RAB3B: variants seen among roughly 807,000 people sequenced by gnomAD.
RAB3B encodes RAB3B, member RAS oncogene family.
In RAB3B, 11 loss-of-function variants were observed where a neutral mutation model predicts 20.5. That is an observed-to-expected ratio of 0.54 (90% CI 0.34 to 0.89). RAB3B has a LOEUF of 0.89. Among genes scored for constraint, RAB3B ranks in the 40% least tolerant of loss-of-function variants. The pLI, the probability that RAB3B is intolerant of heterozygous loss-of-function variation, is 0.02. For missense variants in RAB3B, 225 were observed against 280.9 expected (o/e 0.80, Z 1.42); for synonymous variants, 99 against 106.3 (o/e 0.93, Z 0.42).
intron 1 of RAB3B, among the ~76,000 whole-genome samples, chr1:51,983,117 G>GCCA (rs753410971): frequency 6.6e-6 from 1 of 152,110 alleles, no homozygotes; most frequent in Non-Finnish European, 1.5e-5. Flanking sequence ...ACTTTGGGAG[G>GCCA]CCAAGGTGGG....
chr1:51,959,141 C>T (rs192370050), intron 2 of RAB3B, among the ~76,000 whole-genome samples: 193 of 152,116 alleles, frequency 1.3e-3, no homozygotes, highest in Non-Finnish European at 1.4e-3. Context: ...CACTGAGTTG[C>T]GGGGAGGTGG....
At chr1:51,942,087 A>G (rs1684502414) in intron 2 of RAB3B, among the ~76,000 whole-genome samples, 1 of 152,216 alleles carries the variant, frequency 6.6e-6, no homozygotes, top group African/African-American at 2.4e-5. Flanking sequence ...ACTCCAAAGA[A>G]TAGACCTCCC....
intron 2 of RAB3B, among the ~76,000 whole-genome samples, chr1:51,965,231 A>G (rs1325110447): frequency 7.3e-6 from 1 of 137,242 alleles, no homozygotes; most frequent in African/African-American, 2.6e-5. Flanking sequence ...AAAAAAAAAA[A>G]AGAAACGAAA....
intron 2 of RAB3B, among the ~76,000 whole-genome samples, chr1:51,952,443 T>G (rs762819678): frequency 2.6e-5 from 4 of 152,194 alleles, no homozygotes; most frequent in Admixed American, 2.6e-4. Flanking sequence ...AGGGCTTCCT[T>G]GCATTGTTCC....
intron 2 of RAB3B, among the ~76,000 whole-genome samples, chr1:51,963,557 A>C (rs1404758140): frequency 6.6e-6 from 1 of 152,258 alleles, no homozygotes; most frequent in African/African-American, 2.4e-5. Context: ...CACTAATTTC[A>C]AATGAAGTCT....
Position 51,917,918 on chromosome 1 carries a change from G to A in RAB3B, c.*2009C>T, listed in dbSNP as rs924278410. 6.6e-6 allele frequency: 1 copy of A among 152,104 alleles called. No homozygotes were observed. Among genetic ancestry groups the A allele is most frequent in the Admixed American group, 6.6e-5 (1 of 15,256 alleles). 9.4% of individuals were successfully genotyped at this position (152,104 alleles called of 1,614,324 possible). A position where few individuals can be genotyped will look rare whatever the true frequency, so the allele number is the denominator to read the frequency against. Reference sequence around the variant, plus strand: ...TTTTCTAGGACAATGAGCCTCATTTGAAATGAAAAGAAAACTGGCGAGAGA... The same window carrying A: ...TTTTCTAGGACAATGAGCCTCATTTAAAATGAAAAGAAAACTGGCGAGAGA... On this transcript the variant is annotated 3_prime_UTR_variant, in exon 5 of 5. Coordinates refer to ENST00000371655, the MANE Select transcript of RAB3B (RefSeq NM_002867.4).
chr1:51,938,287 G>A (rs1040852109), intron 2 of RAB3B, among the ~76,000 whole-genome samples: 3 of 152,008 alleles, frequency 2.0e-5, no homozygotes, highest in Non-Finnish European at 4.4e-5. Context: ...GAAGTCTTAA[G>A]AGCATTAAAA....
chr1:51,931,085 A>G (rs1421567612), intron 4 of RAB3B, among the ~76,000 whole-genome samples: 2 of 152,036 alleles, frequency 1.3e-5, no homozygotes, highest in Non-Finnish European at 1.5e-5. Context: ...ATATCCAAAT[A>G]TGTATTAGAA....
chr1:51,990,429 T>TC (rs1394957263), intron 1 of RAB3B, 123 bp downstream of exon 1: 2 of 144,126 alleles, frequency 1.4e-5, no homozygotes, highest in Non-Finnish European at 3.1e-5. Context: ...CCCTCGCTCC[T>TC]CCCCCGGCTT....
chr1:51,988,218 G>A (rs1342785136), intron 1 of RAB3B, among the ~76,000 whole-genome samples: 1 of 152,128 alleles, frequency 6.6e-6, no homozygotes, highest in South Asian at 2.1e-4. Context: ...GAATAAGAAG[G>A]GAGTTGGGCA....
chr1:51,911,538 G>A lies in RAB3B; in HGVS notation c.*8389C>T, dbSNP rs983104132. The A allele has an allele frequency of 6.6e-6, 1 of 152,144 alleles. No individual in the cohort carries two copies. Among genetic ancestry groups the A allele is most frequent in the African/African-American group, 2.4e-5 (1 of 41,444 alleles). 9.4% of individuals were successfully genotyped at this position (152,144 alleles called of 1,614,324 possible). A position where few individuals can be genotyped will look rare whatever the true frequency, so the allele number is the denominator to read the frequency against. Reference sequence around the variant, plus strand: ...ACTCCAACAAGCAAAGCAAAGGGGGGTTTTATTAGAAAGATACATTGAGCT... The same window carrying A: ...ACTCCAACAAGCAAAGCAAAGGGGGATTTTATTAGAAAGATACATTGAGCT... On this transcript the variant is annotated 3_prime_UTR_variant, in exon 5 of 5. Transcript: ENST00000371655.
At chr1:51,958,493 G>A (rs531836972) in intron 2 of RAB3B, among the ~76,000 whole-genome samples, 54 of 152,306 alleles carry the variant, frequency 3.5e-4, no homozygotes, top group African/African-American at 1.3e-3. Context: ...GGAGGCCGAG[G>A]TGGGCAGATC....
chr1:51,976,973 G>A lies in RAB3B; in HGVS notation c.145C>T (p.Pro49Ser). ...ATGCCCACGGTGCTAACGAAGGCTGGGGTGAACGTGTCATCAGCATAGCGG... is the reference window on the plus strand; with the variant it reads ...ATGCCCACGGTGCTAACGAAGGCTGAGGTGAACGTGTCATCAGCATAGCGG... ...LFRYADDTFT[P>S]AFVSTVGIDF... is the part of the protein sequence containing the mutation. The change falls in exon 2 of 5, where the codon CCA becomes TCA. Residue 49 changes from proline (P) to serine (S), a missense_variant. By Grantham distance (74) the Pro-to-Ser change is moderately conservative (BLOSUM62 -1). Coordinates refer to ENST00000371655, the MANE Select transcript of RAB3B (RefSeq NM_002867.4). 4 of 1,614,188 alleles carry A rather than the reference G, an allele frequency of 2.5e-6. No homozygotes were observed. Among genetic ancestry groups the A allele is most frequent in the Non-Finnish European group, 1.7e-6 (2 of 1,180,024 alleles).
intron 1 of RAB3B, among the ~76,000 whole-genome samples, chr1:51,981,008 A>T (rs1571981488): frequency 6.6e-6 from 1 of 152,150 alleles, no homozygotes. Flanking sequence ...TACCAGCTGT[A>T]GCTCAATTAT....
intron 1 of RAB3B, among the ~76,000 whole-genome samples, chr1:51,982,652 C>T (rs1169328165): frequency 1.3e-5 from 2 of 151,930 alleles, no homozygotes; most frequent in Non-Finnish European, 2.9e-5. Context: ...ACTCAGGAGG[C>T]TGAGGCACAA....
In RAB3B at chr1:51,909,179, G is replaced by C. The variant is rs750937001; in HGVS notation, c.*10748C>G. The C allele has an allele frequency of 1.3e-5, 2 of 152,102 alleles. No individual in the cohort carries two copies. The highest frequency in any genetic ancestry group is 1.5e-5 in the Non-Finnish European group (1 of 68,030). 9.4% of individuals were successfully genotyped at this position (152,102 alleles called of 1,614,324 possible). On this transcript the variant is annotated 3_prime_UTR_variant, in exon 5 of 5. Coordinates refer to ENST00000371655, the MANE Select transcript of RAB3B (RefSeq NM_002867.4). ...TATTTCTAGATGAGGTTAGGTTCCT[G>C]GGACAGGAGTGTGTATTGAGGTGGA...
chr1:51,925,177 C>T (rs919456933), intron 4 of RAB3B, among the ~76,000 whole-genome samples: 2 of 152,162 alleles, frequency 1.3e-5, no homozygotes, highest in African/African-American at 4.8e-5. Flanking sequence ...AACATGTCTC[C>T]TCCACGGTTC....
chr1:51,953,575 G>A (rs1684668416), intron 2 of RAB3B, among the ~76,000 whole-genome samples: 1 of 152,212 alleles, frequency 6.6e-6, no homozygotes, highest in South Asian at 2.1e-4. Context: ...AGGCCAAGGC[G>A]GGCAGATCAT....
chr1:51,983,952 A>C (rs976931161), intron 1 of RAB3B, among the ~76,000 whole-genome samples: 6 of 151,774 alleles, frequency 4.0e-5, no homozygotes, highest in Admixed American at 3.3e-4. Context: ...AGAGCAAGAC[A>C]CTGTCTCAAA....
Sources: allele counts gnomAD v4.1 joint callset (sites outside exome capture counted in the v4.1 genomes callset), GRCh38; gene constraint gnomAD v4.1.1; transcripts MANE v1.5; gene names NCBI Gene and HGNC (gene_info 2026-07-23, HGNC 2026-07-21).